PHACTR4: variants seen among roughly 807,000 people sequenced by gnomAD.
PHACTR4 encodes phosphatase and actin regulator 4.
Under a neutral mutation model 72.7 loss-of-function variants are expected in PHACTR4, and 51 were observed. That is an observed-to-expected ratio of 0.70 (90% CI 0.56 to 0.89). PHACTR4 has a LOEUF of 0.89. PHACTR4 is among the 40% of genes least tolerant of loss of function. The pLI is 0.00. For missense variants in PHACTR4, 731 were observed against 861.8 expected (o/e 0.85, Z 1.90); for synonymous variants, 255 against 302.5 (o/e 0.84, Z 1.63).
In PHACTR4 at chr1:28,497,481, A is replaced by G. The variant is rs1661425722; in HGVS notation, c.*932A>G. 1 of 149,868 alleles carries G rather than the reference A, an allele frequency of 6.7e-6. No individual in the cohort carries two copies. The highest frequency in any genetic ancestry group is 1.5e-5 in the Non-Finnish European group (1 of 67,724). 9.3% of individuals were successfully genotyped at this position (149,868 alleles called of 1,614,324 possible). On this transcript the variant is annotated 3_prime_UTR_variant, in exon 14 of 14. Transcript: ENST00000373839. ...GAGGTGGAGGTTGCAGTGAGCCAAG[A>G]TCATGCCTACTGCACTCCAGCCTGG... is the stretch of plus-strand genomic sequence containing the variant.
chr1:28,418,638 G>A (rs879708964), intron 2 of PHACTR4, among the ~76,000 whole-genome samples: 13 of 151,976 alleles, frequency 8.6e-5, no homozygotes, highest in Non-Finnish European at 1.8e-4. Context: ...TGAGAAAAAT[G>A]AGAAAATATG....
At position 28,476,100 on chromosome 1, in the gene PHACTR4, T is replaced by G; in HGVS notation, c.1422-7T>G. The G allele has an allele frequency of 6.3e-7, 1 of 1,584,070 alleles. No homozygotes were observed. Among genetic ancestry groups the G allele is most frequent in the Non-Finnish European group, 8.5e-7 (1 of 1,171,506 alleles). On this transcript the variant is annotated splice_polypyrimidine_tract_variant and splice_region_variant and intron_variant, in intron 7 of 13. Coordinates refer to ENST00000373839, the MANE Select transcript of PHACTR4 (RefSeq NM_001048183.3). ...AAAAGGAAAATATAATTATGTTAATTTGTTAGTCCAGACGATGAAGAAGAA... is the reference window on the plus strand; with the variant it reads ...AAAAGGAAAATATAATTATGTTAATGTGTTAGTCCAGACGATGAAGAAGAA...
At chr1:28,477,844 G>C (rs766864254) in intron 8 of PHACTR4, among the ~76,000 whole-genome samples, 7 of 151,816 alleles carry the variant, frequency 4.6e-5, no homozygotes, top group Non-Finnish European at 1.5e-5. Context: ...GAGCCACCAC[G>C]CCCAGCTCAT....
chr1:28,406,430 G>GA (rs1043717167), intron 1 of PHACTR4, among the ~76,000 whole-genome samples: 6 of 149,768 alleles, frequency 4.0e-5, no homozygotes, highest in Non-Finnish European at 7.4e-5. Flanking sequence ...TCTTGAGGGG[G>GA]AAAAAAAAAG....
At chr1:28,372,345 G>C (rs1651312023) in intron 1 of PHACTR4, among the ~76,000 whole-genome samples, 1 of 152,082 alleles carries the variant, frequency 6.6e-6, no homozygotes, top group African/African-American at 2.4e-5. Context: ...TAGCCGAGTA[G>C]GCAAAATAAA....
rs746780740 is a variant in PHACTR4 at position 28,491,748 on chromosome 1, A to G, written c.1977A>G (p.Arg659=). Residue 659 remains arginine, a synonymous_variant, in exon 12 of 14, where the codon CGA becomes CGG. Coordinates refer to ENST00000373839, the MANE Select transcript of PHACTR4 (RefSeq NM_001048183.3). ...CAGATGCTCAAGATTATGACCGGCG[A>G]GCCGACAAACCTTGGACCAAACTGA... ...EVTDAQDYDR[R]ADKPWTKLTP... 6.2e-7 allele frequency: 1 copy of G among 1,614,214 alleles called. No homozygotes were observed. The highest frequency in any genetic ancestry group is 1.1e-5 in the South Asian group (1 of 91,074).
At chr1:28,436,807 G>A (rs1553192842) in intron 2 of PHACTR4, among the ~76,000 whole-genome samples, 1 of 152,168 alleles carries the variant, frequency 6.6e-6, no homozygotes, top group African/African-American at 2.4e-5. Context: ...AAAAATCAAT[G>A]TGCAAACTGG....
At chr1:28,447,877 A>C (rs1657595378) in intron 2 of PHACTR4, among the ~76,000 whole-genome samples, 1 of 152,142 alleles carries the variant, frequency 6.6e-6, no homozygotes, top group Admixed American at 6.6e-5. Context: ...AGATCTATGC[A>C]ATATTTCCAC....
intron 1 of PHACTR4, among the ~76,000 whole-genome samples, chr1:28,399,465 C>T (rs530118629): frequency 5.3e-5 from 8 of 152,124 alleles, no homozygotes; most frequent in Non-Finnish European, 1.2e-4. Flanking sequence ...GAAACTTGTT[C>T]CTTTGAAGTT....
chr1:28,381,417 G>C (rs1366456625), intron 1 of PHACTR4, among the ~76,000 whole-genome samples: 1 of 150,620 alleles, frequency 6.6e-6, no homozygotes, highest in Non-Finnish European at 1.5e-5. Context: ...TCTTGCCTTA[G>C]CCTCCCGAGT....
rs1654943014 is a variant in PHACTR4, at chr1:28,414,015, A to G, written c.16+6552A>G. 4.6e-5 allele frequency among the ~76,000 whole-genome samples: 7 copies of G among 152,166 alleles called. 1 individual carries two copies. The highest frequency in any genetic ancestry group is 4.6e-4 in the Admixed American group (7 of 15,252). ...GAGACTGCTGCATTCAGCATTAATT[A>G]TGCATATTTTCACTTAATTCTCTTC... On this transcript the variant is annotated intron_variant, in intron 2 of 13. Coordinates refer to ENST00000373839, the MANE Select transcript of PHACTR4 (RefSeq NM_001048183.3).
In PHACTR4 at chr1:28,401,119, AT is replaced by A. The variant is rs1172032517; in HGVS notation, c.-38-6288del. ...ATTTGTTTCAAAATTGGCCCCTGGA[AT>A]TTGTAAGCAAGCACATAATTAGATA... On this transcript the variant is annotated intron_variant, in intron 1 of 13. Coordinates refer to ENST00000373839, the MANE Select transcript of PHACTR4 (RefSeq NM_001048183.3). 2.6e-5 allele frequency among the ~76,000 whole-genome samples: 4 copies of A among 152,244 alleles called. No homozygotes were observed. In the East Asian group the frequency reaches 5.8e-4, roughly 22 times the overall value.
chr1:28,401,424 A>T (rs1488027765), intron 1 of PHACTR4, among the ~76,000 whole-genome samples: 1 of 149,680 alleles, frequency 6.7e-6, no homozygotes, highest in Non-Finnish European at 1.5e-5. Flanking sequence ...TTCCTGCCTC[A>T]GCCTCCCACG....
intron 2 of PHACTR4, among the ~76,000 whole-genome samples, chr1:28,456,211 C>T (rs561111538): frequency 1.3e-5 from 2 of 152,072 alleles, no homozygotes; most frequent in Non-Finnish European, 1.5e-5. Context: ...AGGAAACTTA[C>T]AATCATGAAT....
At chr1:28,373,164 G>T (rs1390836250) in intron 1 of PHACTR4, among the ~76,000 whole-genome samples, 2 of 151,964 alleles carry the variant, frequency 1.3e-5, no homozygotes, top group Admixed American at 6.6e-5. Flanking sequence ...TCCCTGTGTT[G>T]CCCAGGATGG....
chr1:28,445,376 A>C (rs1182314657), intron 2 of PHACTR4, among the ~76,000 whole-genome samples: 1 of 152,168 alleles, frequency 6.6e-6, no homozygotes, highest in Non-Finnish European at 1.5e-5. Flanking sequence ...AACATAAGTC[A>C]CTGCACCCAG....
intron 1 of PHACTR4, among the ~76,000 whole-genome samples, chr1:28,379,831 C>G (rs1322840703): frequency 1.3e-5 from 2 of 150,894 alleles, no homozygotes; most frequent in African/African-American, 4.9e-5. Flanking sequence ...CCTCGTGATC[C>G]GCCCGCCTCG....
intron 7 of PHACTR4, among the ~76,000 whole-genome samples, chr1:28,474,438 C>T (rs1484354957): frequency 1.5e-5 from 2 of 130,494 alleles, no homozygotes; most frequent in African/African-American, 2.9e-5. Context: ...GCAGGAGAAT[C>T]GCTTTAACAG....
chr1:28,489,161 C>A lies in PHACTR4; in HGVS notation c.1761-9C>A. Reference sequence around the variant, plus strand: ...ACATAAACATTACCTTTATTTATCTCATTTTTAGGCGACTGAGTCAAAGAC... The same window carrying A: ...ACATAAACATTACCTTTATTTATCTAATTTTTAGGCGACTGAGTCAAAGAC... On this transcript the variant is annotated splice_polypyrimidine_tract_variant and intron_variant, in intron 9 of 13. Coordinates refer to ENST00000373839, the MANE Select transcript of PHACTR4 (RefSeq NM_001048183.3). 6.2e-7 allele frequency: 1 copy of A among 1,610,056 alleles called. No individual in the cohort carries two copies. Among genetic ancestry groups the A allele is most frequent in the South Asian group, 1.1e-5 (1 of 90,342 alleles).
Sources: gnomAD v4.1 joint callset for allele counts (sites outside exome capture counted in the v4.1 genomes callset) on GRCh38, gnomAD v4.1.1 for gene constraint, MANE v1.5 for transcripts, NCBI Gene and HGNC (gene_info 2026-07-23, HGNC 2026-07-21) for gene names.